The following SUGCT variants were observed in gnomAD, a reference collection of about 807,000 sequenced individuals.
SUGCT encodes succinyl-CoA:glutarate-CoA transferase.
In SUGCT, 41 loss-of-function variants were observed where a neutral mutation model predicts 55.0. The ratio of observed to expected loss-of-function variants is 0.74; its 90% CI spans 0.58 to 0.97. SUGCT has a LOEUF of 0.97. Among genes scored for constraint, SUGCT ranks in the 50% least tolerant of loss-of-function variants. SUGCT has a pLI of 0.00. For missense variants in SUGCT, 568 were observed against 547.8 expected, an observed-to-expected ratio of 1.04 and a Z score of -0.37; for synonymous variants, 187 against 200.4, an observed-to-expected ratio of 0.93 and a Z score of 0.56.
intron 12 of SUGCT, among the ~76,000 whole-genome samples, chr7:40,734,462 GATA>G (rs1787057493): frequency 6.6e-6 from 1 of 152,060 alleles, no homozygotes. Flanking sequence ...ATAAAATAGA[GATA>G]ATAATGAAAA....
chr7:40,941,524 A>T, the SUGCT span, among the ~76,000 whole-genome samples: 4 of 152,112 alleles, frequency 2.6e-5, no homozygotes, highest in Non-Finnish European at 5.9e-5. Flanking sequence ...TGTTCTGATT[A>T]GAAGAATGTA....
At chr7:40,817,038 C>T (rs1486617146) in intron 13 of SUGCT, among the ~76,000 whole-genome samples, 3 of 152,086 alleles carry the variant, frequency 2.0e-5, no homozygotes, top group African/African-American at 7.2e-5. Flanking sequence ...GATTACAAAC[C>T]AACACTTCTA....
intron 12 of SUGCT, among the ~76,000 whole-genome samples, chr7:40,581,426 C>T (rs1055659992): frequency 6.6e-6 from 1 of 151,996 alleles, no homozygotes; most frequent in Admixed American, 6.6e-5. Context: ...ACTTGACATA[C>T]CTTGATTTAC....
intron 12 of SUGCT, among the ~76,000 whole-genome samples, chr7:40,664,473 C>T (rs1200478101): frequency 6.6e-6 from 1 of 152,114 alleles, no homozygotes; most frequent in Non-Finnish European, 1.5e-5. Context: ...ACCCAGACCA[C>T]TTAAGAAAGA....
In SUGCT at chr7:40,478,801, C is replaced by T. The variant is rs1790856180; in HGVS notation, c.987-17483C>T. ...TTGTCCTCATAACAGAAACTTTGTA[C>T]CCCTTGAGCAAGATATCCCTCTCCC... is the stretch of plus-strand genomic sequence containing the variant. On this transcript the variant is annotated intron_variant, in intron 11 of 13. Coordinates refer to ENST00000335693, the MANE Select transcript of SUGCT (RefSeq NM_001193313.2). Among the ~76,000 whole-genome samples the T allele has an allele frequency of 2.0e-5, 3 of 152,168 alleles. No homozygotes were observed. In the South Asian group the frequency reaches 6.2e-4, roughly 32 times the overall value.
intron 9 of SUGCT, among the ~76,000 whole-genome samples, chr7:40,367,666 T>G (rs1784068302): frequency 1.3e-5 from 2 of 152,196 alleles, no homozygotes. Context: ...AATATTTAAC[T>G]AAGGCAAACA....
the SUGCT span, among the ~76,000 whole-genome samples, chr7:40,875,925 T>G: frequency 6.4e-4 from 97 of 152,296 alleles, no homozygotes; most frequent in Admixed American, 7.2e-4. Flanking sequence ...CCACAGGTGG[T>G]CATAACGTTG....
intron 8 of SUGCT, among the ~76,000 whole-genome samples, chr7:40,308,401 T>C (rs1163785962): frequency 6.6e-6 from 1 of 152,186 alleles, no homozygotes; most frequent in Non-Finnish European, 1.5e-5. Context: ...TCTTTAGTTT[T>C]TTCTTATAAA....
chr7:40,889,651 T>C, the SUGCT span, among the ~76,000 whole-genome samples: 1 of 152,106 alleles, frequency 6.6e-6, no homozygotes. Flanking sequence ...CATAACAAAT[T>C]ATCTCATCAC....
At position 40,556,373 on chromosome 7, in the gene SUGCT, G is replaced by A. The variant is rs183540222; in HGVS notation, c.1089+59987G>A. Among the ~76,000 whole-genome samples the A allele has an allele frequency of 2.8e-3, 400 of 140,414 alleles. 3 individuals are homozygous for A. Among genetic ancestry groups the A allele is most frequent in the African/African-American group, 0.012 (362 of 30,326 alleles). 92.1% of individuals were successfully genotyped at this position (140,414 alleles called of 152,430 possible). ...CTTGAGGTGGACACACTACAGCTCC[G>A]CAGGATTAGGCTGAGGCAGGCCCTT... On this transcript the variant is annotated intron_variant, in intron 12 of 13. Coordinates refer to ENST00000335693, the MANE Select transcript of SUGCT (RefSeq NM_001193313.2).
intron 12 of SUGCT, among the ~76,000 whole-genome samples, chr7:40,676,969 C>T (rs1307490518): frequency 6.6e-6 from 1 of 150,420 alleles, no homozygotes; most frequent in Non-Finnish European, 1.5e-5. Context: ...CATGCCATGC[C>T]ATGAAGTGCC....
chr7:40,777,490 C>A (rs916730183), intron 13 of SUGCT, among the ~76,000 whole-genome samples: 3 of 151,656 alleles, frequency 2.0e-5, no homozygotes, highest in African/African-American at 7.3e-5. Context: ...TTTGGGTCAT[C>A]TTTTAATCTG....
intron 8 of SUGCT, among the ~76,000 whole-genome samples, chr7:40,294,656 C>T (rs1336918497): frequency 1.3e-5 from 2 of 152,162 alleles, no homozygotes; most frequent in East Asian, 3.9e-4. Flanking sequence ...AAGTGATTCT[C>T]CTGCCTCTGC....
chr7:40,873,208 C>A, the SUGCT span, among the ~76,000 whole-genome samples: 1 of 151,924 alleles, frequency 6.6e-6, no homozygotes. Flanking sequence ...AAAATGAGGA[C>A]CAAAAAACTT....
intron 12 of SUGCT, among the ~76,000 whole-genome samples, chr7:40,527,018 TTTAA>T (rs1369171205): frequency 1.3e-5 from 2 of 152,234 alleles, no homozygotes; most frequent in Non-Finnish European, 2.9e-5. Flanking sequence ...TCAGTTCTCA[TTTAA>T]TTAGAGTTAC....
At chr7:40,568,162 C>T (rs1477880767) in intron 12 of SUGCT, among the ~76,000 whole-genome samples, 1 of 152,176 alleles carries the variant, frequency 6.6e-6, no homozygotes, top group Non-Finnish European at 1.5e-5. Context: ...TCATGTCTCT[C>T]TGGACATAAC....
intron 13 of SUGCT, among the ~76,000 whole-genome samples, chr7:40,820,153 T>C (rs1297753908): frequency 6.6e-6 from 1 of 152,218 alleles, no homozygotes; most frequent in Non-Finnish European, 1.5e-5. Context: ...ACCATGCTGT[T>C]TTGGTTACTG....
chr7:40,421,330 G>T (rs1787296151), intron 9 of SUGCT, among the ~76,000 whole-genome samples: 1 of 152,010 alleles, frequency 6.6e-6, no homozygotes, highest in Non-Finnish European at 1.5e-5. Flanking sequence ...TGTTGCTGGG[G>T]TTTGTGTTGT....
intron 8 of SUGCT, among the ~76,000 whole-genome samples, chr7:40,310,236 C>G (rs1278313766): frequency 6.6e-6 from 1 of 152,132 alleles, no homozygotes; most frequent in Non-Finnish European, 1.5e-5. Context: ...CTTTTAAAAC[C>G]TCATAACTCC....
Sources: allele counts gnomAD v4.1 joint callset (sites outside exome capture counted in the v4.1 genomes callset), GRCh38; gene constraint gnomAD v4.1.1; transcripts MANE v1.5; gene names NCBI Gene and HGNC (gene_info 2026-07-23, HGNC 2026-07-21).